The following CPEB3 variants were observed in gnomAD, a reference collection of about 807,000 sequenced individuals.
CPEB3 encodes the protein cytoplasmic polyadenylation element binding protein 3, also known as cytoplasmic polyadenylation element-binding protein 3.
In CPEB3, 20 loss-of-function variants were observed where a neutral mutation model predicts 67.2. The observed-to-expected ratio is 0.30, with a 90% CI of 0.21 to 0.43. The LOEUF is 0.43. CPEB3 is among the 20% of genes least tolerant of loss of function. The pLI is 1.00. For missense variants in CPEB3, 746 were observed against 968.6 expected, an observed-to-expected ratio of 0.77 and a Z score of 3.05; for synonymous variants, 376 against 393.1, an observed-to-expected ratio of 0.96 and a Z score of 0.51.
chr10:92,291,123 C>T (rs1842848197), upstream of CPEB3: 6 of 361,052 alleles, frequency 1.7e-5, no homozygotes, highest in South Asian at 2.9e-5. Context: ...TGCTCTGGGC[C>T]GCCCTGCGTC....
intron 9 of CPEB3, among the ~76,000 whole-genome samples, chr10:92,066,804 G>A (rs2134357399): frequency 6.6e-6 from 1 of 152,204 alleles, no homozygotes. Context: ...TAGCACTTTG[G>A]GAGGCCGAAG....
intron 9 of CPEB3, among the ~76,000 whole-genome samples, chr10:92,077,180 T>C (rs1478846404): frequency 1.3e-5 from 2 of 152,136 alleles, no homozygotes; most frequent in Non-Finnish European, 2.9e-5. Context: ...AGTGCTTATA[T>C]GAAATGGGAG....
At position 92,192,576 on chromosome 10, in the gene CPEB3, T is replaced by C. The variant is rs758432934; in HGVS notation, c.1066A>G (p.Met356Val). 4 of 1,613,262 alleles carry C rather than the reference T, an allele frequency of 2.5e-6. No homozygotes were observed. The highest frequency in any genetic ancestry group is 2.2e-5 in the South Asian group (2 of 91,026). Residue 356 changes from methionine to valine, a missense_variant, in exon 3 of 10, where the codon ATG becomes GTG. Physicochemically the swap from Met to Val is conservative, Grantham distance 21 (BLOSUM62 1). Transcript: ENST00000265997. ...AGAGGTTCATGATCAGTCCTTATCA[T>C]ATCCATTAAGGAGTTCTCCAACGAG... ...LHSLENSLMDMIRTDHEPLKG... is the reference protein window; with the variant it reads ...LHSLENSLMDVIRTDHEPLKG...
At chr10:92,242,072 TCAGA>T (rs1218938327) in intron 1 of CPEB3, among the ~76,000 whole-genome samples, 1 of 152,210 alleles carries the variant, frequency 6.6e-6, no homozygotes. Flanking sequence ...GCAAAATATA[TCAGA>T]CAAATGGGAT....
At chr10:92,244,533 G>A (rs1259928092) in intron 1 of CPEB3, among the ~76,000 whole-genome samples, 3 of 150,730 alleles carry the variant, frequency 2.0e-5, no homozygotes, top group East Asian at 2.0e-4. Flanking sequence ...TGCCTCCTGG[G>A]TTCAAGCGAT....
At chr10:92,093,353 T>A (rs1348341812) in intron 7 of CPEB3, among the ~76,000 whole-genome samples, 1 of 152,210 alleles carries the variant, frequency 6.6e-6, no homozygotes, top group African/African-American at 2.4e-5. Context: ...AATCAATACT[T>A]AATGCGAAGA....
intron 1 of CPEB3, among the ~76,000 whole-genome samples, chr10:92,268,114 G>A (rs568349892): frequency 1.1e-4 from 16 of 151,978 alleles, no homozygotes; most frequent in African/African-American, 3.1e-4. Flanking sequence ...GCGACCGGCC[G>A]ACCTATAAAT....
chr10:92,184,889 G>A (rs917203528), intron 3 of CPEB3, among the ~76,000 whole-genome samples: 5 of 152,102 alleles, frequency 3.3e-5, no homozygotes, highest in South Asian at 2.1e-4. Context: ...AGTTTTCCAC[G>A]TTAGGGAGTG....
At chr10:92,290,387 G>A (rs907401837) in intron 1 of CPEB3, among the ~76,000 whole-genome samples, 1 of 151,502 alleles carries the variant, frequency 6.6e-6, no homozygotes, top group African/African-American at 2.4e-5. Context: ...GTGTCAACGC[G>A]ACTAGAAACG....
intron 4 of CPEB3, among the ~76,000 whole-genome samples, chr10:92,176,873 G>A (rs571821992): frequency 7.2e-5 from 11 of 152,294 alleles, no homozygotes; most frequent in South Asian, 2.1e-4. Context: ...CCTGCGTCCC[G>A]CAAGCCACAT....
intron 9 of CPEB3, among the ~76,000 whole-genome samples, chr10:92,053,065 C>T (rs1173044081): frequency 6.6e-6 from 1 of 152,230 alleles, no homozygotes; most frequent in Non-Finnish European, 1.5e-5. Context: ...AACACCCCAA[C>T]ATTGCATACC....
intron 1 of CPEB3, among the ~76,000 whole-genome samples, chr10:92,252,270 G>T (rs1280125627): frequency 6.6e-6 from 1 of 152,054 alleles, no homozygotes; most frequent in African/African-American, 2.4e-5. Context: ...ACAATACCAA[G>T]CATTAGCAAG....
At chr10:92,222,558 T>C (rs1850754322) in intron 2 of CPEB3, among the ~76,000 whole-genome samples, 1 of 152,196 alleles carries the variant, frequency 6.6e-6, no homozygotes, top group African/African-American at 2.4e-5. Flanking sequence ...AAGAGAAATT[T>C]TAAGAGATGT....
chr10:92,131,281 T>C (rs996312261), intron 6 of CPEB3, among the ~76,000 whole-genome samples: 4 of 152,328 alleles, frequency 2.6e-5, no homozygotes, highest in African/African-American at 9.6e-5. Context: ...ACTAATGTAC[T>C]ATAGTTCTAT....
intron 4 of CPEB3, among the ~76,000 whole-genome samples, chr10:92,160,954 A>C (rs1847444356): frequency 6.6e-6 from 1 of 152,144 alleles, no homozygotes; most frequent in East Asian, 1.9e-4. Flanking sequence ...CAGTGGCAAG[A>C]TCTCTGCTCA....
At chr10:92,100,335 A>AG in intron 7 of CPEB3, among the ~76,000 whole-genome samples, 1 of 152,046 alleles carries the variant, frequency 6.6e-6, no homozygotes, top group Non-Finnish European at 1.5e-5. Flanking sequence ...GTGCAATGGC[A>AG]CGATCTCTGC....
intron 8 of CPEB3, among the ~76,000 whole-genome samples, chr10:92,086,752 A>G (rs1843392079): frequency 1.3e-5 from 2 of 152,200 alleles, no homozygotes; most frequent in African/African-American, 4.8e-5. Flanking sequence ...ATGCTCTATA[A>G]GTATCAATTC....
chr10:92,067,099 TA>T (rs945249678), intron 9 of CPEB3, among the ~76,000 whole-genome samples: 83 of 150,780 alleles, frequency 5.5e-4, no homozygotes, highest in African/African-American at 1.9e-3. Flanking sequence ...TTTTTATAAA[TA>T]AAAATATTTT....
At chr10:92,289,732 A>ATATATAT (rs1554944314) in intron 1 of CPEB3, among the ~76,000 whole-genome samples, 9 of 75,770 alleles carry the variant, frequency 1.2e-4, no homozygotes, top group South Asian at 3.7e-4. Context: ...AAAAAAAAAA[A>ATATATAT]ATATATATAT....
Sources: gnomAD v4.1 joint callset for allele counts (sites outside exome capture counted in the v4.1 genomes callset) on GRCh38, gnomAD v4.1.1 for gene constraint, MANE v1.5 for transcripts, NCBI Gene and HGNC (gene_info 2026-07-23, HGNC 2026-07-21) for gene names.